The following HDAC9 variants were observed in gnomAD, a reference collection of about 807,000 sequenced individuals.
HDAC9 encodes MEF-2 interacting transcription repressor (MITR) protein.
A neutral mutation model predicts 139.4 loss-of-function variants in HDAC9; 41 were observed. The ratio of observed to expected loss-of-function variants is 0.29; its 90% CI spans 0.23 to 0.38. HDAC9 has a LOEUF of 0.38. Ranked by LOEUF, HDAC9 falls within the 10% of genes least tolerant of loss-of-function variation. The probability of loss-of-function intolerance (pLI) is 1.00; values close to 1 mark genes in which losing one functional copy is unlikely to be tolerated. For synonymous variants in HDAC9, 517 were observed against 476.2 expected (o/e 1.09, Z -1.12); for missense variants, 1,147 against 1,297.0 (o/e 0.88, Z 1.78).
Position 18,628,192 on chromosome 7 carries a change from G to C in HDAC9, c.665-1158G>C, listed in dbSNP as rs577172198. 5.9e-5 allele frequency among the ~76,000 whole-genome samples: 9 copies of C among 152,252 alleles called. No homozygotes were observed. In the East Asian group the frequency reaches 1.7e-3, roughly 29 times the overall value. On this transcript the variant is annotated intron_variant, in intron 6 of 25. Coordinates refer to ENST00000686413, the MANE Select transcript of HDAC9 (RefSeq NM_178425.4). Reference sequence around the variant, plus strand: ...TTTATGATGATAATACATAAGGAAAGCTGGAAGAGCAACATTTTCAGTATT... The same window carrying C: ...TTTATGATGATAATACATAAGGAAACCTGGAAGAGCAACATTTTCAGTATT...
chr7:18,360,921 A>C (rs922640178), intron 1 of HDAC9, among the ~76,000 whole-genome samples: 1 of 152,202 alleles, frequency 6.6e-6, no homozygotes, highest in African/African-American at 2.4e-5. Context: ...TATACCTGAA[A>C]ATTATTTAAA....
At chr7:18,825,594 A>C (rs1374787716) in intron 17 of HDAC9, among the ~76,000 whole-genome samples, 1 of 152,012 alleles carries the variant, frequency 6.6e-6, no homozygotes, top group African/African-American at 2.4e-5. Flanking sequence ...CATGAGGAAA[A>C]GGAGAAAGTA....
chr7:18,149,787 C>T (rs1333295152), intron 1 of HDAC9, among the ~76,000 whole-genome samples: 3 of 152,082 alleles, frequency 2.0e-5, no homozygotes, highest in African/African-American at 7.2e-5. Flanking sequence ...ATCTCCTGAC[C>T]TTGTGATCTG....
chr7:18,677,557 A>G (rs1314630211), intron 12 of HDAC9, among the ~76,000 whole-genome samples: 1 of 151,880 alleles, frequency 6.6e-6, no homozygotes, highest in Non-Finnish European at 1.5e-5. Flanking sequence ...AAGCTGCCAA[A>G]TTATTTGTAA....
chr7:18,577,850 G>T (rs1323977809), intron 2 of HDAC9, among the ~76,000 whole-genome samples: 2 of 152,100 alleles, frequency 1.3e-5, no homozygotes, highest in African/African-American at 4.8e-5. Flanking sequence ...GGTAAAATTT[G>T]TTGGGGCAAA....
intron 2 of HDAC9, among the ~76,000 whole-genome samples, chr7:18,545,653 G>A (rs945381771): frequency 2.0e-5 from 3 of 152,190 alleles, no homozygotes; most frequent in African/African-American, 7.2e-5. Context: ...ACCCAAAACA[G>A]TGCCTGCTAC....
rs1041820165 is a variant in HDAC9, at chr7:18,319,861, AT to A, written c.-42+29356del. On this transcript the variant is annotated intron_variant, in intron 1 of 3. Coordinates refer to the HDAC9 transcript ENST00000413509. ...ATCACAACATTCATCCAGTATTTTGATTTTTTTTTTCTTGGAGCACAAACTG... is the reference window on the plus strand; with the variant it reads ...ATCACAACATTCATCCAGTATTTTGATTTTTTTTTCTTGGAGCACAAACTG... 1.9e-3 allele frequency among the ~76,000 whole-genome samples: 287 copies of A among 150,802 alleles called. 1 individual carries two copies. Among genetic ancestry groups the A allele is most frequent in the African/African-American group, 6.7e-3 (275 of 41,106 alleles).
At chr7:18,739,254 C>T (rs1787219004) in intron 13 of HDAC9, among the ~76,000 whole-genome samples, 1 of 152,178 alleles carries the variant, frequency 6.6e-6, no homozygotes, top group Non-Finnish European at 1.5e-5. Flanking sequence ...CTTCTGAAGC[C>T]TACTTTTGTC....
chr7:18,541,000 A>T (rs1202470128), intron 2 of HDAC9, among the ~76,000 whole-genome samples: 1 of 152,184 alleles, frequency 6.6e-6, no homozygotes, highest in African/African-American at 2.4e-5. Flanking sequence ...GCCAGTAAGT[A>T]AGAAAGCCAG....
chr7:18,596,323 G>T (rs1832482798), intron 6 of HDAC9, among the ~76,000 whole-genome samples: 1 of 151,990 alleles, frequency 6.6e-6, no homozygotes, highest in Non-Finnish European at 1.5e-5. Flanking sequence ...AAATACAGAT[G>T]CTTTCTATAC....
chr7:18,242,188 A>G (rs1408941880), intron 2 of HDAC9, among the ~76,000 whole-genome samples: 1 of 152,040 alleles, frequency 6.6e-6, no homozygotes, highest in Non-Finnish European at 1.5e-5. Flanking sequence ...TTTTCCCCCC[A>G]CTAGCCTCTG....
intron 1 of HDAC9, chr7:18,327,575 T>A (rs531856069): frequency 2.0e-5 from 3 of 151,522 alleles, no homozygotes; most frequent in Admixed American, 1.3e-4. Context: ...ATTTTTGTGC[T>A]AAAAAAAACT....
chr7:18,603,834 T>C (rs28767930), intron 6 of HDAC9, among the ~76,000 whole-genome samples: 3,741 of 152,234 alleles, frequency 0.025, 155 homozygotes, highest in African/African-American at 0.085. Context: ...CTACAGGCAA[T>C]AAATGTCCTT....
intron 1 of HDAC9, among the ~76,000 whole-genome samples, chr7:18,453,455 G>T (rs1284742337): frequency 6.6e-6 from 1 of 152,110 alleles, no homozygotes. Flanking sequence ...TTCCTTGGAT[G>T]TTAAATTCAC....
chr7:18,719,546 G>T (rs1179662140), intron 12 of HDAC9, among the ~76,000 whole-genome samples: 2 of 151,964 alleles, frequency 1.3e-5, no homozygotes, highest in African/African-American at 4.8e-5. Context: ...CACCACGTTG[G>T]CCAGGCTTGT....
At chr7:18,184,263 C>G (rs191711640) in intron 2 of HDAC9, among the ~76,000 whole-genome samples, 1 of 151,974 alleles carries the variant, frequency 6.6e-6, no homozygotes, top group Non-Finnish European at 1.5e-5. Flanking sequence ...CTGAGCGTTG[C>G]GGCACATGCC....
chr7:18,818,456 T>G (rs547631951), intron 17 of HDAC9, among the ~76,000 whole-genome samples: 2 of 152,360 alleles, frequency 1.3e-5, no homozygotes, highest in African/African-American at 4.8e-5. Context: ...TTTGATCAAC[T>G]ACTTTCAACA....
intron 8 of HDAC9, among the ~76,000 whole-genome samples, chr7:18,644,312 A>G (rs1197534533): frequency 6.7e-6 from 1 of 150,346 alleles, no homozygotes; most frequent in African/African-American, 2.5e-5. Flanking sequence ...CATTATATAC[A>G]TATTTTTTTC....
At chr7:18,383,983 GTA>G (rs150063755) in intron 1 of HDAC9, among the ~76,000 whole-genome samples, 8,725 of 152,002 alleles carry the variant, frequency 0.057, 248 homozygotes, top group Middle Eastern at 0.078. Flanking sequence ...AACATACTGG[GTA>G]TGTTTTACAA....
Sources: gnomAD v4.1 joint callset for allele counts (sites outside exome capture counted in the v4.1 genomes callset) on GRCh38, gnomAD v4.1.1 for gene constraint, MANE v1.5 for transcripts, NCBI Gene and HGNC (gene_info 2026-07-23, HGNC 2026-07-21) for gene names.